Variants in CNBD1 observed in about 807,000 individuals in gnomAD.
CNBD1 encodes the protein cyclic nucleotide-binding domain-containing protein 1.
In CNBD1, 71 loss-of-function variants were observed where a neutral mutation model predicts 54.4. That is an observed-to-expected ratio of 1.30 (90% confidence interval 1.08 to 1.59). The LOEUF (loss-of-function observed/expected upper bound fraction) is 1.59, where lower values mean the gene tolerates loss of function less well. Ranked by LOEUF, CNBD1 falls within the 40% of genes most tolerant of loss-of-function variation. The pLI is 0.00. For missense variants in CNBD1, 659 were observed against 518.0 expected, an observed-to-expected ratio of 1.27 and a Z score of -2.64; for synonymous variants, 182 against 170.7, an observed-to-expected ratio of 1.07 and a Z score of -0.51.
At chr8:87,023,208 A>AG (rs1267353887) in intron 4 of CNBD1, among the ~76,000 whole-genome samples, 1 of 152,172 alleles carries the variant, frequency 6.6e-6, no homozygotes, top group Non-Finnish European at 1.5e-5. Flanking sequence ...ATTTTGCTGA[A>AG]GGTAACAGAT....
chr8:87,287,906 C>T (rs1422936671), intron 8 of CNBD1, among the ~76,000 whole-genome samples: 6 of 151,916 alleles, frequency 3.9e-5, no homozygotes, highest in African/African-American at 1.5e-4. Flanking sequence ...AGTCAAATAA[C>T]TATTTTTGCT....
intron 4 of CNBD1, among the ~76,000 whole-genome samples, chr8:87,157,447 G>C (rs545673239): frequency 2.0e-5 from 3 of 152,324 alleles, no homozygotes; most frequent in African/African-American, 7.2e-5. Flanking sequence ...TCTTGATCTG[G>C]TTAAGAGATA....
At chr8:86,890,788 T>C (rs1808756812) in intron 2 of CNBD1, among the ~76,000 whole-genome samples, 1 of 152,134 alleles carries the variant, frequency 6.6e-6, no homozygotes, top group Admixed American at 6.5e-5. Flanking sequence ...TTCTAACAGA[T>C]ATGAGGTAAT....
intron 4 of CNBD1, among the ~76,000 whole-genome samples, chr8:87,156,810 A>G (rs1293046360): frequency 6.6e-6 from 1 of 152,116 alleles, no homozygotes; most frequent in African/African-American, 2.4e-5. Flanking sequence ...AGTGTACAAT[A>G]GCAATTATTC....
chr8:87,415,803 C>T (rs372676654), intron 2 of CNBD1, among the ~76,000 whole-genome samples: 9 of 151,114 alleles, frequency 6.0e-5, no homozygotes, highest in East Asian at 1.9e-4. Flanking sequence ...AATTATCAAA[C>T]GGGAATAATA....
intron 10 of CNBD1, among the ~76,000 whole-genome samples, chr8:87,381,010 A>C (rs1372500153): frequency 6.6e-6 from 1 of 152,042 alleles, no homozygotes; most frequent in Admixed American, 6.6e-5. Flanking sequence ...GTGACACCAA[A>C]AGCACAGGCA....
chr8:87,399,925 A>G (rs1563587489), intron 2 of CNBD1, among the ~76,000 whole-genome samples: 1 of 151,864 alleles, frequency 6.6e-6, no homozygotes, highest in South Asian at 2.1e-4. Flanking sequence ...TCCTAAGGAG[A>G]AGGAAGAGCA....
At chr8:86,975,602 A>G (rs1045401665) in intron 4 of CNBD1, among the ~76,000 whole-genome samples, 3 of 152,010 alleles carry the variant, frequency 2.0e-5, no homozygotes, top group Non-Finnish European at 2.9e-5. Context: ...TTTCGTGTAT[A>G]TACCACTTAA....
chr8:87,014,593 A>C (rs1310072516), intron 4 of CNBD1, among the ~76,000 whole-genome samples: 2 of 152,108 alleles, frequency 1.3e-5, no homozygotes, highest in Non-Finnish European at 2.9e-5. Context: ...GGTAAACTAC[A>C]AGATTAATTG....
In CNBD1 at chr8:87,260,831, C is replaced by T. The variant is rs115535439; in HGVS notation, c.771+23719C>T. On this transcript the variant is annotated intron_variant, in intron 6 of 10. Coordinates refer to ENST00000518476, the MANE Select transcript of CNBD1 (RefSeq NM_173538.3). ...TGTCATTTCTGTAAGACTTTACTGCCTCCTAGGCCTAATGTATAAGCCAGA... is the reference window on the plus strand; with the variant it reads ...TGTCATTTCTGTAAGACTTTACTGCTTCCTAGGCCTAATGTATAAGCCAGA... 8.4e-3 allele frequency among the ~76,000 whole-genome samples: 1,273 copies of T among 152,106 alleles called. 19 individuals carry two copies. The highest frequency in any genetic ancestry group is 0.029 in the African/African-American group (1,203 of 41,502).
At chr8:87,172,031 TATC>T (rs1813099439) in intron 4 of CNBD1, among the ~76,000 whole-genome samples, 1 of 152,178 alleles carries the variant, frequency 6.6e-6, no homozygotes, top group South Asian at 2.1e-4. Flanking sequence ...GTGTTTCCAT[TATC>T]ATTTGTTTCA....
chr8:87,375,139 T>C (rs1810900446), intron 10 of CNBD1, among the ~76,000 whole-genome samples: 1 of 151,808 alleles, frequency 6.6e-6, no homozygotes. Context: ...GCATCTAAGT[T>C]TTAGTATGGT....
chr8:87,023,777 C>T (rs748271105), intron 4 of CNBD1, among the ~76,000 whole-genome samples: 1 of 152,156 alleles, frequency 6.6e-6, no homozygotes, highest in Non-Finnish European at 1.5e-5. Context: ...TGCCAGAAAA[C>T]CTTGGCTTTA....
intron 4 of CNBD1, among the ~76,000 whole-genome samples, chr8:86,982,951 T>A (rs1011119854): frequency 2.6e-5 from 4 of 152,198 alleles, no homozygotes; most frequent in Non-Finnish European, 5.9e-5. Context: ...TAATTTTGTG[T>A]TTTATAACTT....
At chr8:86,878,543 A>G (rs1808559597) in intron 1 of CNBD1, among the ~76,000 whole-genome samples, 1 of 151,452 alleles carries the variant, frequency 6.6e-6, no homozygotes, top group Non-Finnish European at 1.5e-5. Flanking sequence ...ATTGCCACTT[A>G]ACATTGTCCT....
intron 6 of CNBD1, among the ~76,000 whole-genome samples, chr8:87,271,317 G>A (rs183873097): frequency 1.7e-4 from 26 of 150,858 alleles, no homozygotes; most frequent in Admixed American, 1.7e-3. Flanking sequence ...TGCTTTTCTA[G>A]TTCCTCCATG....
intron 4 of CNBD1, among the ~76,000 whole-genome samples, chr8:87,099,463 A>G (rs2130691095): frequency 6.6e-6 from 1 of 152,304 alleles, no homozygotes; most frequent in African/African-American, 2.4e-5. Context: ...GCAATGGTAG[A>G]TGTCGAAAAT....
At chr8:87,091,167 C>T (rs1361873282) in intron 4 of CNBD1, among the ~76,000 whole-genome samples, 3 of 148,222 alleles carry the variant, frequency 2.0e-5, no homozygotes, top group African/African-American at 7.4e-5. Context: ...AAAAGTTAAT[C>T]TAGCCTCATA....
At chr8:87,024,052 A>G (rs962501075) in intron 4 of CNBD1, among the ~76,000 whole-genome samples, 12 of 151,894 alleles carry the variant, frequency 7.9e-5, no homozygotes, top group African/African-American at 2.7e-4. Context: ...CCTGGCTAAC[A>G]CGGTGAAACC....
Sources: gnomAD v4.1 joint callset for allele counts (sites outside exome capture counted in the v4.1 genomes callset) on GRCh38, gnomAD v4.1.1 for gene constraint, MANE v1.5 for transcripts, NCBI Gene and HGNC (gene_info 2026-07-23, HGNC 2026-07-21) for gene names.